Variants in RAD51C observed in about 807,000 individuals in gnomAD.
RAD51C encodes the protein RAD51 paralog C, also known as DNA repair protein RAD51 homolog 3.
In RAD51C, 42 loss-of-function variants were observed where a neutral mutation model predicts 45.0. The observed-to-expected ratio is 0.93, with a 90% CI of 0.73 to 1.21. The LOEUF is 1.21. RAD51C is among the 50% of genes most tolerant of loss of function. RAD51C has a pLI of 0.00. For missense variants in RAD51C, 474 were observed against 452.2 expected (o/e 1.05, Z -0.44); for synonymous variants, 172 against 159.8 (o/e 1.08, Z -0.58).
chr17:58,732,884 T>C (rs547104781), intron 8 of RAD51C: 1 of 282,038 alleles, frequency 3.5e-6, no homozygotes, highest in Admixed American at 4.6e-5. Context: ...GGTCTGTAGG[T>C]ATTATAGATC....
intron 7 of RAD51C, among the ~76,000 whole-genome samples, chr17:58,731,260 T>TG (rs2049407738): frequency 1.4e-5 from 2 of 144,926 alleles, no homozygotes; most frequent in African/African-American, 5.3e-5. Flanking sequence ...TAAAAGCAGT[T>TG]TTTTTTTTTT....
rs140609822 is a variant in RAD51C, at chr17:58,706,681, C to T, written c.706-3178C>T. On this transcript the variant is annotated intron_variant, in intron 4 of 8. Coordinates refer to ENST00000337432, the MANE Select transcript of RAD51C (RefSeq NM_058216.3). ...TTTCCTTTTCTTGAGGAATAGGGCA[C>T]ATTCACAGTCAAGTAGCTCATGGTT... 1.6e-3 allele frequency: 368 copies of T among 235,084 alleles called. 2 individuals carry two copies. The highest frequency in any genetic ancestry group is 6.3e-3 in the African/African-American group (277 of 43,870). The allele number at this position is 235,084 out of a possible 1,614,324, so 14.6% of individuals were successfully genotyped here.
intron 7 of RAD51C, among the ~76,000 whole-genome samples, chr17:58,728,422 G>T (rs2049260936): frequency 1.4e-5 from 2 of 147,204 alleles, no homozygotes. Flanking sequence ...TTTTGAGACA[G>T]GATCTCACTC....
chr17:58,718,735 A>G (rs1466076448), intron 5 of RAD51C, among the ~76,000 whole-genome samples: 2 of 151,936 alleles, frequency 1.3e-5, no homozygotes, highest in Non-Finnish European at 2.9e-5. Flanking sequence ...TAGTTCATCT[A>G]CTTATATTGT....
At chr17:58,696,213 A>G (rs1008224244) in intron 2 of RAD51C, among the ~76,000 whole-genome samples, 1 of 152,158 alleles carries the variant, frequency 6.6e-6, no homozygotes, top group Non-Finnish European at 1.5e-5. Flanking sequence ...CAGGCAGATC[A>G]TGAGGTCAGG....
At chr17:58,693,680 C>G (rs1192576154) in intron 1 of RAD51C, 2 of 152,136 alleles carry the variant, frequency 1.3e-5, no homozygotes, top group African/African-American at 2.4e-5. Flanking sequence ...TGATCACTAA[C>G]AACTATTGAC....
chr17:58,724,160 T>C (rs527811820), intron 7 of RAD51C, 60 bp downstream of exon 7: 1 of 1,502,648 alleles, frequency 6.7e-7, no homozygotes, highest in African/African-American at 1.4e-5. Context: ...GAATGAACAC[T>C]TACAGGTTTC....
rs566063679 is a variant in RAD51C at position 58,726,406 on chromosome 17, T to C, written c.965+2306T>C. 4.0e-4 allele frequency among the ~76,000 whole-genome samples: 58 copies of C among 146,198 alleles called. 1 individual carries two copies. Among genetic ancestry groups the C allele is most frequent in the African/African-American group, 1.2e-3 (46 of 39,038 alleles). Reference sequence around the variant, plus strand: ...ATATACGTGTATGTATATATGTGTATATATATAGATTATATGTATATATGT... The same window carrying C: ...ATATACGTGTATGTATATATGTGTACATATATAGATTATATGTATATATGT... On this transcript the variant is annotated intron_variant, in intron 7 of 8. Coordinates refer to ENST00000337432, the MANE Select transcript of RAD51C (RefSeq NM_058216.3).
At chr17:58,724,191 G>A in intron 7 of RAD51C, 91 bp downstream of exon 7, 11 of 1,232,758 alleles carry the variant, frequency 8.9e-6, no homozygotes, top group Non-Finnish European at 1.1e-5. Flanking sequence ...TCCTGTGGAT[G>A]AGATATACAG....
chr17:58,697,559 C>CAA (rs547599226), intron 3 of RAD51C, among the ~76,000 whole-genome samples: 124 of 135,972 alleles, frequency 9.1e-4, no homozygotes, highest in Non-Finnish European at 1.1e-3. Context: ...AAAAAAAAAC[C>CAA]AAAAAAAAAA....
chr17:58,735,589 ATAAAT>A lies in RAD51C; in HGVS notation c.*1372_*1376del, dbSNP rs1435689825. ...TTTGAATAATCTTAACTTTGCTTAA[ATAAAT>A]TAAAGATTTCAATTCTCGATGGTTT... On this transcript the variant is annotated 3_prime_UTR_variant, in exon 9 of 9. Coordinates refer to ENST00000337432, the MANE Select transcript of RAD51C (RefSeq NM_058216.3). The A allele has an allele frequency of 3.3e-5, 5 of 152,208 alleles. No homozygotes were observed. Among genetic ancestry groups the A allele is most frequent in the Non-Finnish European group, 2.9e-5 (2 of 68,040 alleles). The allele number at this position is 152,208 out of a possible 1,614,324, so 9.4% of individuals were successfully genotyped here. A position where few individuals can be genotyped will look rare whatever the true frequency, so the allele number is the denominator to read the frequency against.
chr17:58,713,013 C>G lies in RAD51C; in HGVS notation c.837+3023C>G, dbSNP rs141392183. Among the ~76,000 whole-genome samples, 82 of 151,974 alleles carry G rather than the reference C, an allele frequency of 5.4e-4. 2 individuals are homozygous for G. In the East Asian group the frequency reaches 0.015, roughly 28 times the overall value. ...TAGTGGCATGCACCTATAGTTCTAG[C>G]TACTTAAGCGGCTGAGGTGGGAGTA... On this transcript the variant is annotated intron_variant, in intron 5 of 8. Transcript: ENST00000337432.
chr17:58,718,833 T>C (rs1399777012), intron 5 of RAD51C, among the ~76,000 whole-genome samples: 1 of 152,170 alleles, frequency 6.6e-6, no homozygotes, highest in Non-Finnish European at 1.5e-5. Flanking sequence ...TAATACTATA[T>C]TTGCTTCCTT....
At chr17:58,693,564 G>C (rs749448058) in intron 1 of RAD51C, 1 of 152,162 alleles carries the variant, frequency 6.6e-6, no homozygotes, top group Non-Finnish European at 1.5e-5. Flanking sequence ...AGCCTTAACT[G>C]TTTAAGTCAT....
At chr17:58,693,549 G>A (rs1435796250) in intron 1 of RAD51C, 1 of 152,136 alleles carries the variant, frequency 6.6e-6, no homozygotes, top group Non-Finnish European at 1.5e-5. Flanking sequence ...AAGTCTCGTG[G>A]ACCCAGCCTT....
In RAD51C at chr17:58,734,646, G is replaced by A. The variant is rs1555605760; in HGVS notation, c.*424G>A. On this transcript the variant is annotated 3_prime_UTR_variant, in exon 9 of 9. Transcript: ENST00000337432. ...TTCTCGCTCTGTAGTCCAGGCTGGAGTGCAATGGCGCAATCTCTGCTCACT... is the reference window on the plus strand; with the variant it reads ...TTCTCGCTCTGTAGTCCAGGCTGGAATGCAATGGCGCAATCTCTGCTCACT... 2.2e-5 allele frequency: 4 copies of A among 185,676 alleles called. No individual in the cohort carries two copies. The highest frequency in any genetic ancestry group is 1.8e-4 in the South Asian group (2 of 10,868). The allele number at this position is 185,676 out of a possible 1,614,324, so 11.5% of individuals were successfully genotyped here. A position where few individuals can be genotyped will look rare whatever the true frequency, so the allele number is the denominator to read the frequency against.
At chr17:58,700,272 T>A (rs1416489499) in intron 3 of RAD51C, 1 of 152,118 alleles carries the variant, frequency 6.6e-6, no homozygotes, top group Non-Finnish European at 1.5e-5. Flanking sequence ...TCAGTCCGAT[T>A]TACAGGGCTC....
Position 58,692,617 on chromosome 17 carries a change from G to A in RAD51C, c.-27G>A, listed in dbSNP as rs1271155670. 1.2e-6 allele frequency: 2 copies of A among 1,613,276 alleles called. No homozygotes were observed. The highest frequency in any genetic ancestry group is 1.7e-6 in the Non-Finnish European group (2 of 1,180,004). On this transcript the variant is annotated 5_prime_UTR_variant, in exon 1 of 9. Coordinates refer to ENST00000337432, the MANE Select transcript of RAD51C (RefSeq NM_058216.3). ...CAGCGAGGGCGTGCGGAGTTTGGCT[G>A]CTCCGGGGTTAGCAGGTGAGCCTGC...
rs760911964 is a variant in RAD51C at position 58,703,265 on chromosome 17, G to A, written c.641G>A (p.Arg214His). The A allele has an allele frequency of 5.0e-6, 8 of 1,608,746 alleles. No individual in the cohort carries two copies. Among genetic ancestry groups the A allele is most frequent in the East Asian group, 2.2e-5 (1 of 44,772 alleles). ...TCTCATATTTATTATTTTCGCTGTC[G>A]TGACTACACAGAGTTACTGGCACAA... is the stretch of plus-strand genomic sequence containing the variant. Reference protein sequence around the residue: ...ILSHIYYFRCRDYTELLAQVY... With the variant: ...ILSHIYYFRCHDYTELLAQVY... Residue 214 changes from arginine (R) to histidine (H), a missense_variant, in exon 4 of 9, where the codon CGT becomes CAT. Coordinates refer to ENST00000337432, the MANE Select transcript of RAD51C (RefSeq NM_058216.3).
Sources: gnomAD v4.1 joint callset for allele counts (sites outside exome capture counted in the v4.1 genomes callset) on GRCh38, gnomAD v4.1.1 for gene constraint, MANE v1.5 for transcripts, NCBI Gene and HGNC (gene_info 2026-07-23, HGNC 2026-07-21) for gene names.